Variants in COL4A5 observed in about 807,000 individuals in gnomAD.
COL4A5 encodes collagen type IV alpha 5 chain.
In COL4A5, 26 loss-of-function variants were observed where a neutral mutation model predicts 130.2. The observed-to-expected ratio is 0.20, with a 90% CI of 0.15 to 0.28. The LOEUF (loss-of-function observed/expected upper bound fraction) is 0.28, where lower values mean the gene tolerates loss of function less well. Among genes scored for constraint, COL4A5 ranks in the 10% least tolerant of loss-of-function variants. The pLI is 1.00. For synonymous variants in COL4A5, 496 were observed against 439.6 expected, an observed-to-expected ratio of 1.13 and a Z score of -1.60; for missense variants, 1,131 against 1,344.3, an observed-to-expected ratio of 0.84 and a Z score of 2.48.
intron 36 of COL4A5, among the ~76,000 whole-genome samples, chrX:108,640,202 G>T (rs1053700599): frequency 6.3e-5 from 7 of 111,844 alleles, no homozygotes; most frequent in African/African-American, 9.7e-5. Flanking sequence ...GATATTTTTT[G>T]ACCTTAAAAT....
rs104886163 is a variant in COL4A5, at chrX:108,602,982, G to A, written c.2165G>A (p.Gly722Glu). The change falls in exon 28 of 53, where the codon GGA (glycine) becomes GAA (glutamate). Residue 722 changes from glycine (G) to glutamate (E), a missense_variant. Gly to Glu is a moderately conservative substitution (Grantham distance 98, BLOSUM62 -2). Coordinates refer to ENST00000328300, the MANE Select transcript of COL4A5 (RefSeq NM_033380.3). Reference protein sequence around the residue: ...PGPKGFPGIPGPPGAPGTPGR... With the variant: ...PGPKGFPGIPEPPGAPGTPGR... ...TTTACAGGCTTTCCTGGAATTCCAG[G>A]ACCTCCAGGAGCACCTGGGACACCT... 1 of 1,185,852 alleles carries A rather than the reference G, an allele frequency of 8.4e-7. No homozygotes were observed. The highest frequency in any genetic ancestry group is 1.1e-6 in the Non-Finnish European group (1 of 879,092).
intron 19 of COL4A5, 64 bp downstream of exon 19, chrX:108,586,811 T>G (rs1381581167): frequency 9.0e-7 from 1 of 1,115,349 alleles, no homozygotes; most frequent in Non-Finnish European, 1.2e-6. Context: ...GTATACTTTT[T>G]ATCACATTAG....
rs1311897513 is a variant in COL4A5 at position 108,598,874 on chromosome X, A to C, written c.1948+4A>C. 1.7e-6 allele frequency: 2 copies of C among 1,208,705 alleles called. No individual in the cohort carries two copies. Among genetic ancestry groups the C allele is most frequent in the South Asian group, 1.8e-5 (1 of 56,733 alleles). ...CCAGGCCAGCCAGGAATACCAGGTA[A>C]GTTTACTGTGTTTTGTTTTAAACTT... On this transcript the variant is annotated splice_donor_region_variant and intron_variant, in intron 25 of 52. Coordinates refer to ENST00000328300, the MANE Select transcript of COL4A5 (RefSeq NM_033380.3).
chrX:108,614,851 C>T (rs1051311295), intron 29 of COL4A5, 60 bp from the exon 30 acceptor site: 1 of 808,488 alleles, frequency 1.2e-6, no homozygotes, highest in Admixed American at 2.3e-5. Flanking sequence ...TGATATGGTT[C>T]CCAAGGACTA....
intron 22 of COL4A5, 136 bp from the exon 23 acceptor site, chrX:108,596,862 T>C (rs899029636): frequency 7.0e-6 from 4 of 567,746 alleles, no homozygotes; most frequent in Non-Finnish European, 1.2e-5. Flanking sequence ...GTGACTTAAA[T>C]GGGATTGAAT....
chrX:108,554,252 C>T (rs371498145), intron 2 of COL4A5, among the ~76,000 whole-genome samples: 1 of 111,924 alleles, frequency 8.9e-6, no homozygotes, highest in Non-Finnish European at 1.9e-5. Context: ...AATTGACTCA[C>T]AGCTCCGCAT....
intron 9 of COL4A5, among the ~76,000 whole-genome samples, chrX:108,574,907 C>T (rs1474104055): frequency 9.0e-6 from 1 of 111,047 alleles, no homozygotes; most frequent in Non-Finnish European, 1.9e-5. Context: ...CCCACCTCAG[C>T]TTCCTGAGTA....
At chrX:108,607,025 T>C (rs1364379802) in intron 29 of COL4A5, 133 bp downstream of exon 29, 4 of 643,065 alleles carry the variant, frequency 6.2e-6, no homozygotes, top group Non-Finnish European at 1.0e-5. Context: ...CTACACATTT[T>C]TTTCAATCCT....
intron 1 of COL4A5, among the ~76,000 whole-genome samples, chrX:108,504,455 G>A (rs1569478674): frequency 8.9e-6 from 1 of 111,792 alleles, no homozygotes; most frequent in Non-Finnish European, 1.9e-5. Flanking sequence ...ACAACCTACA[G>A]AATGGGAGAA....
chrX:108,476,485 T>C (rs2064833826), intron 1 of COL4A5, among the ~76,000 whole-genome samples: 1 of 108,179 alleles, frequency 9.2e-6, no homozygotes, highest in Non-Finnish European at 1.9e-5. Context: ...GTCATCCTGT[T>C]GTGGTATCAA....
chrX:108,439,886 G>T lies in COL4A5; in HGVS notation c.-240G>T. ...AAAAAGTTTGCAAGTCTGGACAGAA[G>T]GGAAAAGTTCTCCTGAGAGACCGGC... On this transcript the variant is annotated 5_prime_UTR_variant, in exon 1 of 53. In the 5' UTR this introduces an upstream ATG that the reference lacks. Transcript: ENST00000328300. 2.4e-6 allele frequency: 1 copy of T among 418,495 alleles called. No individual in the cohort carries two copies. The highest frequency in any genetic ancestry group is 4.2e-6 in the Non-Finnish European group (1 of 240,262). 34.5% of individuals were successfully genotyped at this position (418,495 alleles called of 1,213,427 possible).
chrX:108,624,479 C>G (rs772473930), intron 34 of COL4A5, 145 bp downstream of exon 34: 17 of 539,607 alleles, frequency 3.2e-5, no homozygotes, highest in Non-Finnish European at 5.1e-5. Flanking sequence ...AGCTCACTTT[C>G]GGCAAAAATA....
At chrX:108,653,234 C>T (rs771816492) in intron 36 of COL4A5, among the ~76,000 whole-genome samples, 3 of 111,074 alleles carry the variant, frequency 2.7e-5, no homozygotes, top group African/African-American at 9.8e-5. Context: ...ATTACAGAAA[C>T]GGTATTGAGG....
At chrX:108,648,733 A>G (rs1400495569) in intron 36 of COL4A5, among the ~76,000 whole-genome samples, 1 of 111,900 alleles carries the variant, frequency 8.9e-6, no homozygotes, top group Admixed American at 9.5e-5. Flanking sequence ...CATACAAGGG[A>G]CATACCTCAA....
intron 49 of COL4A5, chrX:108,690,013 T>G: frequency 1.3e-6 from 1 of 753,250 alleles, no homozygotes; most frequent in Non-Finnish European, 1.6e-6. Context: ...ACCTTTCTTT[T>G]CCTTACGAGA....
chrX:108,520,196 G>T (rs920484902), intron 1 of COL4A5, among the ~76,000 whole-genome samples: 1 of 111,201 alleles, frequency 9.0e-6, no homozygotes, highest in Non-Finnish European at 1.9e-5. Flanking sequence ...CTGTTTTCTG[G>T]AAGAGTTTGG....
intron 1 of COL4A5, among the ~76,000 whole-genome samples, chrX:108,486,304 T>A (rs1317569877): frequency 3.6e-5 from 4 of 111,745 alleles, no homozygotes; most frequent in South Asian, 3.8e-4. Flanking sequence ...AGGTTTTTTT[T>A]ATGAAGATGG....
rs1416079536 is a variant in COL4A5 at position 108,668,420 on chromosome X, C to G, written c.3706C>G (p.Pro1236Ala). 8.3e-7 allele frequency: 1 copy of G among 1,209,314 alleles called. No individual in the cohort carries two copies. The highest frequency in any genetic ancestry group is 1.1e-6 in the Non-Finnish European group (1 of 894,107). The change falls in exon 41 of 53, where the codon CCC becomes GCC. Residue 1236 changes from proline to alanine, a missense_variant. Transcript: ENST00000328300. ...TCACGGTTTCCCTGGTGTGCAGGGT[C>G]CCCCAGGCCCTCCTGGTTCTCCGGG... ...GFHGFPGVQG[P>A]PGPPGSPGPA...
chrX:108,689,481 A>G (rs1386727751), intron 49 of COL4A5: 17 of 750,826 alleles, frequency 2.3e-5, no homozygotes, highest in Non-Finnish European at 2.7e-5. Context: ...ATTTTCTCTA[A>G]TAAGAACAAT....
Sources: allele counts gnomAD v4.1 joint callset (sites outside exome capture counted in the v4.1 genomes callset), GRCh38; gene constraint gnomAD v4.1.1; transcripts MANE v1.5; gene names NCBI Gene and HGNC (gene_info 2026-07-23, HGNC 2026-07-21).